The following IRS2 variants were observed in gnomAD, a reference collection of about 807,000 sequenced individuals.
The protein encoded by IRS2 is insulin receptor substrate 2.
IRS2 carries 28 observed loss-of-function variants against 70.9 expected under a neutral mutation model. The ratio of observed to expected loss-of-function variants is 0.39; its 90% CI spans 0.29 to 0.54. IRS2 has a LOEUF of 0.54. Among genes scored for constraint, IRS2 ranks in the 20% least tolerant of loss-of-function variants. The pLI, the probability that IRS2 is intolerant of heterozygous loss-of-function variation, is 0.59. For missense variants in IRS2, 2,081 were observed against 2,024.1 expected (o/e 1.03, Z -0.54); for synonymous variants, 1,217 against 981.9 (o/e 1.24, Z -4.48).
intron 1 of IRS2, among the ~76,000 whole-genome samples, chr13:109,771,957 G>C (rs993343152): frequency 2.0e-5 from 3 of 152,252 alleles, no homozygotes; most frequent in African/African-American, 7.2e-5. Context: ...TATGTGCATG[G>C]TTTTTAAATT....
chr13:109,778,263 A>G (rs929837606), intron 1 of IRS2, among the ~76,000 whole-genome samples: 2 of 152,196 alleles, frequency 1.3e-5, no homozygotes, highest in African/African-American at 4.8e-5. Flanking sequence ...ATAGACACAC[A>G]ATGACTCATT....
chr13:109,782,967 C>A lies in IRS2; in HGVS notation c.3087G>T (p.Leu1029=). ...GGGCCGGCGGCGGTGGCGGCGGCTG[C>A]AGAGACGACGACGGGGACGCGGACG... The part of the protein sequence containing the change: ...PRPSASPSSS[L]QPPPPPPAPG... Residue 1029 remains leucine (L), a synonymous_variant, in exon 1 of 2, where the codon CTG becomes CTT. Coordinates refer to ENST00000375856, the MANE Select transcript of IRS2 (RefSeq NM_003749.3). The A allele has an allele frequency of 7.0e-7, 1 of 1,421,876 alleles. No individual in the cohort carries two copies. Among genetic ancestry groups the A allele is most frequent in the Non-Finnish European group, 9.2e-7 (1 of 1,092,582 alleles). 88.1% of individuals were successfully genotyped at this position (1,421,876 alleles called of 1,614,324 possible).
In IRS2 at chr13:109,753,984, G is replaced by A; in HGVS notation, c.*2320C>T. The A allele has an allele frequency of 4.3e-6, 1 of 232,232 alleles. No individual in the cohort carries two copies. Among genetic ancestry groups the A allele is most frequent in the Non-Finnish European group, 8.5e-6 (1 of 117,170 alleles). 14.4% of individuals were successfully genotyped at this position (232,232 alleles called of 1,614,324 possible). On this transcript the variant is annotated 3_prime_UTR_variant, in exon 2 of 2. Transcript: ENST00000375856. ...TCACATTGACCCCTATATACAGCGT[G>A]TACAGTGGAAGACAGAGCAAGATAA... is the stretch of plus-strand genomic sequence containing the variant.
rs751368642 is a variant in IRS2, at chr13:109,783,015, C to T, written c.3039G>A (p.Pro1013=). Residue 1013 remains proline (P), a synonymous_variant, in exon 1 of 2, where the codon CCG becomes CCA. Transcript: ENST00000375856. The part of the protein sequence containing the change: ...DGLLSPEASS[P]YPPLPPRPSA... ...ACGGACGCGGGGGCAACGGCGGATA[C>T]GGGGAGGAGGCCTCGGGGGACAGGA... 9.5e-6 allele frequency: 13 copies of T among 1,361,846 alleles called. No homozygotes were observed. Among genetic ancestry groups the T allele is most frequent in the Admixed American group, 3.9e-5 (1 of 25,864 alleles). 84.4% of individuals were successfully genotyped at this position (1,361,846 alleles called of 1,614,324 possible).
In IRS2 at chr13:109,782,374, C is replaced by A. The variant is rs1413347414; in HGVS notation, c.3680G>T (p.Gly1227Val). 1.9e-6 allele frequency: 3 copies of A among 1,611,230 alleles called. No individual in the cohort carries two copies. The highest frequency in any genetic ancestry group is 2.5e-6 in the Non-Finnish European group (3 of 1,179,192). ...GRPWTPGQPGGLVGCPGSGGS... is the reference protein window; with the variant it reads ...GRPWTPGQPGVLVGCPGSGGS... ...ACCGCTCCCAGGACAACCGACCAAGCCCCCGGGCTGACCCGGGGTCCACGG... is the reference window on the plus strand; with the variant it reads ...ACCGCTCCCAGGACAACCGACCAAGACCCCGGGCTGACCCGGGGTCCACGG... Residue 1227 changes from glycine (G) to valine (V), a missense_variant, in exon 1 of 2, where the codon GGC becomes GTC. Around this residue, in one of 4 missense-constraint regions of IRS2, gnomAD observed 1,615 missense variants for 1,459.5 expected, o/e 1.11. Coordinates refer to ENST00000375856, the MANE Select transcript of IRS2 (RefSeq NM_003749.3).
chr13:109,767,728 C>CTTTTTTTTTTT (rs748211544), intron 1 of IRS2, among the ~76,000 whole-genome samples: 1 of 119,798 alleles, frequency 8.3e-6, no homozygotes, highest in Admixed American at 8.6e-5. Flanking sequence ...ACCATTTTTC[C>CTTTTTTTTTTT]TTTTTTTTTT....
chr13:109,767,613 T>G (rs185731775), intron 1 of IRS2, among the ~76,000 whole-genome samples: 2 of 151,966 alleles, frequency 1.3e-5, no homozygotes, highest in Admixed American at 1.3e-4. Context: ...ATCAAGCAGA[T>G]GCGTACAGAA....
rs1334828544 is a variant in IRS2 at position 109,784,998 on chromosome 13, C to T, written c.1056G>A (p.Pro352=). ...SRTDSLAATP[P]AAKCSSCRVR... ...CCCGGCACGAGCTGCACTTGGCCGC[C>T]GGCGGGGTGGCGGCCAGGCTGTCGG... is the stretch of plus-strand genomic sequence containing the variant. The change falls in exon 1 of 2, where the codon CCG becomes CCA. Residue 352 remains proline (P), a synonymous_variant. Coordinates refer to ENST00000375856, the MANE Select transcript of IRS2 (RefSeq NM_003749.3). The surrounding 1 kb of genome is among the most constrained non-coding windows in gnomAD (Gnocchi z 5.2). 4 of 1,406,236 alleles carry T rather than the reference C, an allele frequency of 2.8e-6. No homozygotes were observed. The highest frequency in any genetic ancestry group is 2.8e-6 in the Non-Finnish European group (3 of 1,086,496). The allele number at this position is 1,406,236 out of a possible 1,614,324, so 87.1% of individuals were successfully genotyped here.
intron 1 of IRS2, among the ~76,000 whole-genome samples, chr13:109,772,254 G>A (rs1330127933): frequency 6.6e-6 from 1 of 152,188 alleles, no homozygotes; most frequent in Non-Finnish European, 1.5e-5. Context: ...AGCGGTGCAG[G>A]TAGGTGCACG....
chr13:109,768,995 C>T (rs1447989251), intron 1 of IRS2, among the ~76,000 whole-genome samples: 2 of 152,186 alleles, frequency 1.3e-5, no homozygotes, highest in Non-Finnish European at 2.9e-5. Context: ...ACGCTACAAA[C>T]GTTAAGTTTT....
At chr13:109,778,185 G>A (rs372736642) in intron 1 of IRS2, among the ~76,000 whole-genome samples, 1 of 152,140 alleles carries the variant, frequency 6.6e-6, no homozygotes, top group African/African-American at 2.4e-5. Flanking sequence ...ACACAGAAAG[G>A]GGAGGATTAT....
chr13:109,771,904 C>T (rs1244565144), intron 1 of IRS2, among the ~76,000 whole-genome samples: 1 of 152,248 alleles, frequency 6.6e-6, no homozygotes, highest in African/African-American at 2.4e-5. Flanking sequence ...CTCTAATCCA[C>T]GACTTGCTTA....
At position 109,755,214 on chromosome 13, in the gene IRS2, CTT is replaced by C. The variant is rs375324802; in HGVS notation, c.*1088_*1089del. On this transcript the variant is annotated 3_prime_UTR_variant, in exon 2 of 2. Coordinates refer to ENST00000375856, the MANE Select transcript of IRS2 (RefSeq NM_003749.3). Reference sequence around the variant, plus strand: ...CTCTTTTTATCAGTTTCTTTCTTTCCTTTTTTTTTTTTCTTTTTGTTTTTTTT... The same window carrying C: ...CTCTTTTTATCAGTTTCTTTCTTTCCTTTTTTTTTTCTTTTTGTTTTTTTT... The C allele has an allele frequency of 9.6e-6, 2 of 208,968 alleles. No homozygotes were observed. Among genetic ancestry groups the C allele is most frequent in the East Asian group, 6.7e-5 (1 of 14,972 alleles). The allele number at this position is 208,968 out of a possible 1,614,324, so 12.9% of individuals were successfully genotyped here.
intron 1 of IRS2, among the ~76,000 whole-genome samples, chr13:109,761,407 A>G (rs1184545586): frequency 6.6e-6 from 1 of 152,246 alleles, no homozygotes; most frequent in East Asian, 1.9e-4. Flanking sequence ...AAAGCAAGGA[A>G]ACCTTCCATG....
intron 1 of IRS2, among the ~76,000 whole-genome samples, chr13:109,762,660 C>A (rs572192853): frequency 6.6e-6 from 1 of 152,138 alleles, no homozygotes; most frequent in Non-Finnish European, 1.5e-5. Context: ...GGGTGTGCTC[C>A]ATGGTTGGTC....
chr13:109,784,648 A>G lies in IRS2; in HGVS notation c.1406T>C (p.Leu469Pro), dbSNP rs2138936450. The change falls in exon 1 of 2, where the codon CTG becomes CCG. Residue 469 changes from leucine to proline, a missense_variant. Physicochemically the swap from Leu to Pro is moderately conservative, Grantham distance 98. Transcript: ENST00000375856. This position sits in a 1 kb window ranked among gnomAD's most constrained non-coding sequence, Gnocchi z 5.2. ...GGGGCCGTGGTGCAGCGGATGCGGC[A>G]GAGGCGGGTGCGGGCCGGGCGGCGG... ...YPPPPGPHPPLPHPLHHGPGQ... is the reference protein window; with the variant it reads ...YPPPPGPHPPPPHPLHHGPGQ... 2 of 1,269,796 alleles carry G rather than the reference A, an allele frequency of 1.6e-6. No individual in the cohort carries two copies. The highest frequency in any genetic ancestry group is 2.0e-6 in the Non-Finnish European group (2 of 1,011,158). The allele number at this position is 1,269,796 out of a possible 1,614,324, so 78.7% of individuals were successfully genotyped here. A position where few individuals can be genotyped will look rare whatever the true frequency, so the allele number is the denominator to read the frequency against.
chr13:109,770,644 T>A (rs1421397650), intron 1 of IRS2, among the ~76,000 whole-genome samples: 1 of 152,074 alleles, frequency 6.6e-6, no homozygotes, highest in Non-Finnish European at 1.5e-5. Context: ...CAAGATTGCC[T>A]GCGGGGTGGA....
intron 1 of IRS2, among the ~76,000 whole-genome samples, chr13:109,770,257 C>T (rs916329975): frequency 1.3e-5 from 2 of 152,164 alleles, no homozygotes; most frequent in Non-Finnish European, 2.9e-5. Flanking sequence ...ATACCCTTAA[C>T]GCAGCCTTTG....
rs1299480499 is a variant in IRS2, at chr13:109,783,729, G to A, written c.2325C>T (p.Val775=). ...DYLNVSPSDA[V]TTGTPPDFFS... is the part of the protein sequence containing the mutation. ...AGAAGTCGGGCGGGGTGCCCGTGGTGACCGCGTCGCTGGGGGACACGTTGA... is the reference window on the plus strand; with the variant it reads ...AGAAGTCGGGCGGGGTGCCCGTGGTAACCGCGTCGCTGGGGGACACGTTGA... The change falls in exon 1 of 2, where the codon GTC becomes GTT. Residue 775 remains valine (V), a synonymous_variant. Coordinates refer to ENST00000375856, the MANE Select transcript of IRS2 (RefSeq NM_003749.3). The A allele has an allele frequency of 1.3e-6, 2 of 1,579,884 alleles. No homozygotes were observed. Among genetic ancestry groups the A allele is most frequent in the East Asian group, 4.7e-5 (2 of 42,828 alleles).
Sources: allele counts gnomAD v4.1 joint callset (sites outside exome capture counted in the v4.1 genomes callset), GRCh38; gene constraint gnomAD v4.1.1; regional missense constraint gnomAD v4.1.1; non-coding constraint Gnocchi (gnomAD v3.1); transcripts MANE v1.5; gene names NCBI Gene and HGNC (gene_info 2026-07-23, HGNC 2026-07-21).